Variants in MYH10 observed in about 807,000 individuals in gnomAD.
MYH10 encodes myosin heavy chain 10.
Under a neutral mutation model 257.8 loss-of-function variants are expected in MYH10, and 55 were observed. That is an observed-to-expected ratio of 0.21 (90% CI 0.17 to 0.27). The LOEUF (loss-of-function observed/expected upper bound fraction) is 0.27. Ranked by LOEUF, MYH10 falls within the 10% of genes least tolerant of loss-of-function variation. The pLI, the probability that MYH10 is intolerant of heterozygous loss-of-function variation, is 1.00. For synonymous variants in MYH10, 854 were observed against 921.7 expected (o/e 0.93, Z 1.33); for missense variants, 1,631 against 2,500.6 (o/e 0.65, Z 7.42).
At chr17:8,584,735 C>T (rs757009667) in intron 4 of MYH10, among the ~76,000 whole-genome samples, 10 of 152,170 alleles carry the variant, frequency 6.6e-5, no homozygotes, top group Non-Finnish European at 1.5e-4. Context: ...GCATTCCTCA[C>T]ATAAAAAGGC....
At chr17:8,478,775 G>T (rs1652572005) in intron 40 of MYH10, among the ~76,000 whole-genome samples, 1 of 152,204 alleles carries the variant, frequency 6.6e-6, no homozygotes, top group Non-Finnish European at 1.5e-5. Context: ...CTGTCGCCCA[G>T]GCTGGGGTGC....
At chr17:8,515,808 T>TGCTGGAATTACAGGTGTGA (rs1470540283) in intron 21 of MYH10, among the ~76,000 whole-genome samples, 1 of 152,082 alleles carries the variant, frequency 6.6e-6, no homozygotes, top group East Asian at 1.9e-4. Context: ...CCTCCACAAG[T>TGCTGGAATTACAGGTGTGA]GCTGGAATTA....
At position 8,623,169 on chromosome 17, in the gene MYH10, AGTGGC is replaced by A; in HGVS notation, c.73_77del (p.Ala25SerfsTer3). 6.2e-7 allele frequency: 1 copy of A among 1,613,724 alleles called. No individual in the cohort carries two copies. Among genetic ancestry groups the A allele is most frequent in the Non-Finnish European group, 8.5e-7 (1 of 1,179,874 alleles). On this transcript the variant is annotated frameshift_variant, in exon 2 of 43. Coordinates refer to ENST00000360416, the MANE Select transcript of MYH10 (RefSeq NM_001256012.3). LOFTEE classifies it high-confidence loss of function. ...GCTTTTTAGCTGTCCAATCAGCTTGAGTGGCAGGGTTGTAGATGACAGCCCTGTCC... is the reference window on the plus strand; with the variant it reads ...GCTTTTTAGCTGTCCAATCAGCTTGAAGGGTTGTAGATGACAGCCCTGTCC...
chr17:8,478,830 A>G (rs1383079094), intron 40 of MYH10, among the ~76,000 whole-genome samples: 1 of 152,168 alleles, frequency 6.6e-6, no homozygotes. Flanking sequence ...TCCTGGGTTC[A>G]AGCAATTCTC....
chr17:8,536,816 G>T (rs923506942), intron 14 of MYH10, among the ~76,000 whole-genome samples: 1 of 148,788 alleles, frequency 6.7e-6, no homozygotes, highest in African/African-American at 2.5e-5. Flanking sequence ...AAAAAAAAGC[G>T]CTAGATGAAT....
Position 8,477,116 on chromosome 17 carries a change from G to C in MYH10, c.5707-68C>G. 6.4e-7 allele frequency: 1 copy of C among 1,567,414 alleles called. No individual in the cohort carries two copies. Among genetic ancestry groups the C allele is most frequent in the Non-Finnish European group, 8.7e-7 (1 of 1,147,748 alleles). On this transcript the variant is annotated intron_variant, in intron 41 of 42. Transcript: ENST00000360416. This position sits in a 1 kb window ranked among gnomAD's most constrained non-coding sequence, Gnocchi z 4.2. ...TCCAGTGTCGGCCTCTCTGTACCCCGAGCGTGGCAGTGTGGGGCTCTGCCT... is the reference window on the plus strand; with the variant it reads ...TCCAGTGTCGGCCTCTCTGTACCCCCAGCGTGGCAGTGTGGGGCTCTGCCT...
At chr17:8,502,855 TC>T (rs961207370) in intron 28 of MYH10, among the ~76,000 whole-genome samples, 1 of 152,216 alleles carries the variant, frequency 6.6e-6, no homozygotes, top group African/African-American at 2.4e-5. Context: ...AACCTTATTT[TC>T]TATTGCAGTC....
intron 3 of MYH10, among the ~76,000 whole-genome samples, chr17:8,597,030 A>G (rs1332719049): frequency 6.6e-6 from 1 of 152,170 alleles, no homozygotes. Context: ...AGACCCTGAG[A>G]AATTACTTGA....
At chr17:8,549,745 C>T (rs1469519720) in intron 9 of MYH10, among the ~76,000 whole-genome samples, 1 of 152,166 alleles carries the variant, frequency 6.6e-6, no homozygotes, top group Non-Finnish European at 1.5e-5. Flanking sequence ...CCCTCTCATG[C>T]TGAGCCGAGG....
rs1381191871 is a variant in MYH10 at position 8,543,094 on chromosome 17, C to T, written c.1432-814G>A. Among the ~76,000 whole-genome samples the T allele has an allele frequency of 5.9e-5, 9 of 152,324 alleles. No homozygotes were observed. In the East Asian group the frequency reaches 7.7e-4, roughly 13 times the overall value. ...GTATAATTTTCTTAATCATCCTATACACTAGAAGTGCTCAACCTCTTTCCT... is the reference window on the plus strand; with the variant it reads ...GTATAATTTTCTTAATCATCCTATATACTAGAAGTGCTCAACCTCTTTCCT... On this transcript the variant is annotated intron_variant, in intron 13 of 42. Coordinates refer to ENST00000360416, the MANE Select transcript of MYH10 (RefSeq NM_001256012.3).
At chr17:8,488,367 G>T (rs1042415922) in intron 35 of MYH10, among the ~76,000 whole-genome samples, 1 of 152,198 alleles carries the variant, frequency 6.6e-6, no homozygotes. Flanking sequence ...ACACAGAGCT[G>T]TTGAGCTCCA....
chr17:8,498,509 A>G (rs972308578), intron 30 of MYH10, among the ~76,000 whole-genome samples: 8 of 152,150 alleles, frequency 5.3e-5, no homozygotes, highest in Non-Finnish European at 1.0e-4. Context: ...GGATACTCAC[A>G]GTTTTAAGGC....
chr17:8,499,330 G>A lies in MYH10; in HGVS notation c.3891C>T (p.Ala1297=). 6.2e-7 allele frequency: 1 copy of A among 1,614,054 alleles called. No homozygotes were observed. Among genetic ancestry groups the A allele is most frequent in the South Asian group, 1.1e-5 (1 of 91,076 alleles). ...TGAGCCTGTCGCCTTCAGAGACCTT[G>A]GCATGGAGCTCCTGGACCTGCGCGT... ...KLDAQVQELH[A]KVSEGDRLRV... is the part of the protein sequence containing the mutation. Residue 1297 remains alanine, a synonymous_variant, in exon 30 of 43, where the codon GCC becomes GCT. Transcript: ENST00000360416.
At chr17:8,509,307 C>G (rs961389707) in intron 25 of MYH10, among the ~76,000 whole-genome samples, 1 of 152,226 alleles carries the variant, frequency 6.6e-6, no homozygotes, top group Non-Finnish European at 1.5e-5. Context: ...AGGTGTATAG[C>G]AGGCTCTACC....
chr17:8,630,078 G>A (rs916359263), intron 1 of MYH10, among the ~76,000 whole-genome samples: 3 of 151,912 alleles, frequency 2.0e-5, no homozygotes, highest in Non-Finnish European at 4.4e-5. Context: ...GGTCGCGCCA[G>A]GCCTAACCCA....
At position 8,476,766 on chromosome 17, in the gene MYH10, T is replaced by C. The variant is rs201007516; in HGVS notation, c.5879+110A>G. Reference sequence around the variant, plus strand: ...AAATGAAGTGGTTCGGGAGAAAGAATGGGTCACTGGGTATGGATCTAAGTA... The same window carrying C: ...AAATGAAGTGGTTCGGGAGAAAGAACGGGTCACTGGGTATGGATCTAAGTA... On this transcript the variant is annotated intron_variant, in intron 42 of 42. Coordinates refer to ENST00000360416, the MANE Select transcript of MYH10 (RefSeq NM_001256012.3). The C allele has an allele frequency of 5.1e-6, 6 of 1,172,044 alleles. No individual in the cohort carries two copies. In the East Asian group the frequency reaches 1.5e-4, roughly 30 times the overall value. 72.6% of individuals were successfully genotyped at this position (1,172,044 alleles called of 1,614,324 possible).
At chr17:8,592,816 GAAAAAAAAA>G (rs67151329) in intron 3 of MYH10, among the ~76,000 whole-genome samples, 8 of 30,424 alleles carry the variant, frequency 2.6e-4, no homozygotes, top group African/African-American at 7.0e-4. Flanking sequence ...AATGAAATCA[GAAAAAAAAA>G]AAAAAAAAAA....
At chr17:8,511,023 T>TATA (rs1204478259) in intron 24 of MYH10, 31 of 3,954 alleles carry the variant, frequency 7.8e-3, no homozygotes, top group African/African-American at 8.8e-3. Context: ...CCCATATATA[T>TATA]ATATATATAT....
chr17:8,608,472 A>G (rs1484042188), intron 2 of MYH10, among the ~76,000 whole-genome samples: 2 of 152,202 alleles, frequency 1.3e-5, no homozygotes, highest in Non-Finnish European at 2.9e-5. Flanking sequence ...TTATTCGTGG[A>G]AGGAAAAACA....
Sources: gnomAD v4.1 joint callset for allele counts (sites outside exome capture counted in the v4.1 genomes callset) on GRCh38, gnomAD v4.1.1 for gene constraint, Gnocchi (gnomAD v3.1) non-coding constraint, MANE v1.5 for transcripts, NCBI Gene and HGNC (gene_info 2026-07-23, HGNC 2026-07-21) for gene names.